The following PBX3 variants were observed in gnomAD, a reference collection of about 807,000 sequenced individuals.
PBX3 encodes pre-B-cell leukemia transcription factor 3.
In PBX3, 14 loss-of-function variants were observed where a neutral mutation model predicts 48.5. The ratio of observed to expected loss-of-function variants is 0.29; its 90% CI spans 0.19 to 0.45. The LOEUF (loss-of-function observed/expected upper bound fraction) is 0.45, where lower values mean the gene tolerates loss of function less well. Among genes scored for constraint, PBX3 ranks in the 20% least tolerant of loss-of-function variants. The probability of loss-of-function intolerance (pLI) is 1.00; values close to 1 mark genes in which losing one functional copy is unlikely to be tolerated. For missense variants in PBX3, 386 were observed against 546.7 expected, an observed-to-expected ratio of 0.71 and a Z score of 2.93; for synonymous variants, 210 against 200.3, an observed-to-expected ratio of 1.05 and a Z score of -0.41.
intron 2 of PBX3, among the ~76,000 whole-genome samples, chr9:125,780,304 G>C (rs1303487395): frequency 7.3e-6 from 1 of 137,084 alleles, no homozygotes; most frequent in African/African-American, 2.8e-5. Flanking sequence ...TCACTTCCCA[G>C]TAGGGGCGGC....
intron 2 of PBX3, among the ~76,000 whole-genome samples, chr9:125,798,758 T>C: frequency 6.6e-6 from 1 of 152,120 alleles, no homozygotes. Context: ...CTGTGGTAGG[T>C]AATGGACTCT....
chr9:125,784,715 CAAAA>C (rs1172585386), intron 2 of PBX3, among the ~76,000 whole-genome samples: 1 of 151,922 alleles, frequency 6.6e-6, no homozygotes, highest in African/African-American at 2.4e-5. Flanking sequence ...GGAGGAAAAA[CAAAA>C]AGAAGAAAGG....
chr9:125,805,514 G>A (rs1838100643), intron 2 of PBX3, among the ~76,000 whole-genome samples: 1 of 152,212 alleles, frequency 6.6e-6, no homozygotes, highest in Non-Finnish European at 1.5e-5. Context: ...AAAACAATGT[G>A]CCACTTGGAG....
At chr9:125,787,127 C>A (rs1202495862) in intron 2 of PBX3, among the ~76,000 whole-genome samples, 1 of 152,094 alleles carries the variant, frequency 6.6e-6, no homozygotes, top group African/African-American at 2.4e-5. Flanking sequence ...GCAGCCTCAA[C>A]CTCCTTAGCT....
intron 5 of PBX3, among the ~76,000 whole-genome samples, chr9:125,940,567 T>C (rs2149993): frequency 0.69 from 104,329 of 152,104 alleles, 36,146 homozygotes; most frequent in East Asian, 0.77. Context: ...TAACAGTATT[T>C]GTAATAGCCA....
intron 2 of PBX3, among the ~76,000 whole-genome samples, chr9:125,874,377 A>G (rs770771721): frequency 5.9e-5 from 9 of 152,184 alleles, no homozygotes; most frequent in Non-Finnish European, 1.2e-4. Flanking sequence ...AGGTAACAAT[A>G]CAAGAAAGGA....
intron 1 of PBX3, 106 bp from the exon 2 acceptor site, chr9:125,748,444 C>T (rs1433169089): frequency 2.6e-6 from 4 of 1,523,018 alleles, no homozygotes; most frequent in Non-Finnish European, 3.6e-6. Flanking sequence ...AAAGGGCCTT[C>T]CAGAATGGGG....
In PBX3 at chr9:125,816,241, G is replaced by A. The variant is rs546823725; in HGVS notation, c.274+67618G>A. On this transcript the variant is annotated intron_variant, in intron 2 of 8. Transcript: ENST00000373489. ...TTGAACTCCTGAGCTCAAGTGATCT[G>A]TGTGCCTTGGCCTCCCAGAGTGCTG... is the stretch of plus-strand genomic sequence containing the variant. Among the ~76,000 whole-genome samples the A allele has an allele frequency of 3.3e-5, 5 of 152,152 alleles. No homozygotes were observed. The South Asian group carries it at 1.0e-3, about 32-fold the overall frequency.
chr9:125,815,290 C>G (rs10986945), intron 2 of PBX3, among the ~76,000 whole-genome samples: 3,062 of 152,266 alleles, frequency 0.02, 172 homozygotes, highest in East Asian at 0.17. Flanking sequence ...TTCCTATAGT[C>G]CCACTCATCA....
chr9:125,839,693 G>A (rs1564132733), intron 2 of PBX3, among the ~76,000 whole-genome samples: 1 of 152,164 alleles, frequency 6.6e-6, no homozygotes, highest in Non-Finnish European at 1.5e-5. Flanking sequence ...GATATGTATA[G>A]TTTTGGATTA....
chr9:125,894,408 C>A (rs950399982), intron 2 of PBX3, among the ~76,000 whole-genome samples: 3 of 151,958 alleles, frequency 2.0e-5, no homozygotes, highest in African/African-American at 2.4e-5. Flanking sequence ...AAAATAAATC[C>A]ATTTTTTAAC....
At chr9:125,960,893 A>C (rs1842415587) in intron 6 of PBX3, 44 bp downstream of exon 6, 12 of 1,586,504 alleles carry the variant, frequency 7.6e-6, no homozygotes, top group Non-Finnish European at 9.5e-6. Flanking sequence ...AGGCAGCCTT[A>C]TGCCACAATG....
At chr9:125,840,221 A>G (rs906635748) in intron 2 of PBX3, among the ~76,000 whole-genome samples, 8 of 152,106 alleles carry the variant, frequency 5.3e-5, no homozygotes, top group Non-Finnish European at 5.9e-5. Context: ...ACTTTGGAAT[A>G]AAGGAGGAAT....
At chr9:125,962,970 A>T in intron 7 of PBX3, 42 bp from the exon 8 acceptor site, 2 of 1,112,544 alleles carry the variant, frequency 1.8e-6, no homozygotes, top group Non-Finnish European at 2.7e-6. Flanking sequence ...ATGACGTTTT[A>T]ATAGATTTGG....
At chr9:125,768,424 T>C (rs1836855939) in intron 2 of PBX3, among the ~76,000 whole-genome samples, 1 of 152,204 alleles carries the variant, frequency 6.6e-6, no homozygotes, top group South Asian at 2.1e-4. Flanking sequence ...ATTTATTGTA[T>C]GAACAATCGA....
At chr9:125,806,058 G>A (rs1448069502) in intron 2 of PBX3, among the ~76,000 whole-genome samples, 1 of 152,158 alleles carries the variant, frequency 6.6e-6, no homozygotes, top group Non-Finnish European at 1.5e-5. Flanking sequence ...GAAAAACAAG[G>A]AAGTGTCAGA....
chr9:125,819,190 A>AT (rs942218023), intron 2 of PBX3, among the ~76,000 whole-genome samples: 16 of 151,810 alleles, frequency 1.1e-4, no homozygotes, highest in Non-Finnish European at 1.3e-4. Context: ...ATCTAAAACT[A>AT]TTTTTTTACT....
intron 2 of PBX3, among the ~76,000 whole-genome samples, chr9:125,754,325 C>G (rs1471067130): frequency 6.6e-6 from 1 of 152,068 alleles, no homozygotes; most frequent in East Asian, 1.9e-4. Context: ...CCCCCTCAAG[C>G]CCGTGTTGAC....
chr9:125,812,703 T>G (rs1000523560), intron 2 of PBX3, among the ~76,000 whole-genome samples: 2 of 152,254 alleles, frequency 1.3e-5, no homozygotes, highest in Non-Finnish European at 2.9e-5. Flanking sequence ...GAGAACATCA[T>G]ACAGTGTTCT....
Sources: gnomAD v4.1 joint callset for allele counts (sites outside exome capture counted in the v4.1 genomes callset) on GRCh38, gnomAD v4.1.1 for gene constraint, MANE v1.5 for transcripts, NCBI Gene and HGNC (gene_info 2026-07-23, HGNC 2026-07-21) for gene names.